SYK: variants seen among roughly 807,000 people sequenced by gnomAD.
SYK encodes the protein tyrosine-protein kinase SYK.
A neutral mutation model predicts 77.8 loss-of-function variants in SYK; 16 were observed. That is an observed-to-expected ratio of 0.21 (90% confidence interval 0.14 to 0.31). The LOEUF is 0.31. Among genes scored for constraint, SYK ranks in the 10% least tolerant of loss-of-function variants. SYK has a pLI of 1.00. For synonymous variants in SYK, 312 were observed against 308.7 expected (o/e 1.01, Z -0.11); for missense variants, 529 against 814.4 (o/e 0.65, Z 4.26).
intron 4 of SYK, among the ~76,000 whole-genome samples, chr9:90,863,920 A>T (rs1203554394): frequency 2.0e-5 from 3 of 152,230 alleles, no homozygotes; most frequent in African/African-American, 7.2e-5. Flanking sequence ...TGTCCTTCCC[A>T]AGAATCTTTA....
intron 13 of SYK, 149 bp downstream of exon 13, chr9:90,888,776 C>T: frequency 1.6e-6 from 1 of 615,852 alleles, no homozygotes; most frequent in Non-Finnish European, 2.7e-6. Context: ...GCTGGTCTTG[C>T]TTTAGAGACC....
rs539643362 is a variant in SYK at position 90,877,679 on chromosome 9, G to A, written c.1290G>A (p.Pro430=). The change falls in exon 10 of 14, where the codon CCG becomes CCA. Residue 430 remains proline, a synonymous_variant. Transcript: ENST00000375754. ...ATGTCATGCAGCAGCTGGACAACCC[G>A]TACATCGTGCGGATGATCGGGATAT... ...EANVMQQLDN[P]YIVRMIGICE... is the part of the protein sequence containing the mutation. 23 of 1,614,238 alleles carry A rather than the reference G, an allele frequency of 1.4e-5. No homozygotes were observed. The Middle Eastern group carries it at 8.2e-4, about 58-fold the overall frequency.
chr9:90,867,029 T>C, intron 6 of SYK, 102 bp from the exon 7 acceptor site: 1 of 1,262,958 alleles, frequency 7.9e-7, no homozygotes, highest in Non-Finnish European at 1.1e-6. Flanking sequence ...AGGGGGTTAG[T>C]GGTGCGATTA....
chr9:90,887,995 C>T, intron 12 of SYK, 106 bp downstream of exon 12: 1 of 1,402,548 alleles, frequency 7.1e-7, no homozygotes, highest in South Asian at 1.5e-5. Flanking sequence ...CTCTCATTAT[C>T]TTTTACCAGT....
chr9:90,855,037 C>CACAT (rs779653843), intron 3 of SYK, among the ~76,000 whole-genome samples: 2 of 151,360 alleles, frequency 1.3e-5, no homozygotes, highest in African/African-American at 2.4e-5. Context: ...CACACACACA[C>CACAT]ACTTGAGAAC....
At chr9:90,870,852 G>A (rs968531029) in intron 7 of SYK, among the ~76,000 whole-genome samples, 1 of 152,142 alleles carries the variant, frequency 6.6e-6, no homozygotes, top group African/African-American at 2.4e-5. Flanking sequence ...CTGCATTACT[G>A]CTGTTGCCTA....
chr9:90,864,547 T>A (rs1181230024), intron 4 of SYK, 42 bp from the exon 5 acceptor site: 1 of 1,557,708 alleles, frequency 6.4e-7, no homozygotes, highest in Non-Finnish European at 8.9e-7. Context: ...GTCTATTTCC[T>A]GACCTTGGTA....
chr9:90,813,163 T>G (rs1040647490), intron 1 of SYK, among the ~76,000 whole-genome samples: 1 of 152,184 alleles, frequency 6.6e-6, no homozygotes, highest in Non-Finnish European at 1.5e-5. Flanking sequence ...GAGAAGGACG[T>G]AAGCAATTTC....
At chr9:90,894,606 G>A (rs908679493) in intron 13 of SYK, among the ~76,000 whole-genome samples, 2 of 152,214 alleles carry the variant, frequency 1.3e-5, no homozygotes, top group Non-Finnish European at 2.9e-5. Context: ...AGGTCAAAAT[G>A]GCTGAATGTG....
At chr9:90,865,632 G>C (rs1030534014) in intron 6 of SYK, among the ~76,000 whole-genome samples, 6 of 151,980 alleles carry the variant, frequency 3.9e-5, no homozygotes, top group African/African-American at 1.5e-4. Context: ...TTAACTTCTT[G>C]TCTAGATGAA....
intron 7 of SYK, among the ~76,000 whole-genome samples, chr9:90,872,744 T>C (rs1827778880): frequency 6.6e-6 from 1 of 152,284 alleles, no homozygotes; most frequent in Non-Finnish European, 1.5e-5. Context: ...TCCTAGTTTT[T>C]AGAAGTGATT....
chr9:90,816,395 T>C (rs933811858), intron 1 of SYK, among the ~76,000 whole-genome samples: 1 of 152,242 alleles, frequency 6.6e-6, no homozygotes, highest in African/African-American at 2.4e-5. Context: ...CTGCCAGCCC[T>C]GAGTCTAGCT....
chr9:90,808,476 T>A (rs1486415578), intron 1 of SYK, among the ~76,000 whole-genome samples: 3 of 147,012 alleles, frequency 2.0e-5, no homozygotes, highest in Non-Finnish European at 4.5e-5. Flanking sequence ...TTTTTTTTTT[T>A]AGGTACCCTA....
At chr9:90,847,390 T>C (rs1320975008) in intron 3 of SYK, among the ~76,000 whole-genome samples, 1 of 142,116 alleles carries the variant, frequency 7.0e-6, no homozygotes, top group African/African-American at 2.8e-5. Context: ...GTTGTCTTCT[T>C]CTCCTGGGTT....
rs1031365040 is a variant in SYK at position 90,897,576 on chromosome 9, G to A, written c.*1976G>A. The A allele has an allele frequency of 8.7e-6, 2 of 230,162 alleles. No individual in the cohort carries two copies. The highest frequency in any genetic ancestry group is 4.4e-5 in the African/African-American group (2 of 45,176). 14.3% of individuals were successfully genotyped at this position (230,162 alleles called of 1,614,324 possible). Reference sequence around the variant, plus strand: ...CTTCAACACAGGCCCCGTGCTCGTAGGAATACGGTAGCACCTATGTAGGAA... The same window carrying A: ...CTTCAACACAGGCCCCGTGCTCGTAAGAATACGGTAGCACCTATGTAGGAA... On this transcript the variant is annotated 3_prime_UTR_variant, in exon 14 of 14. Coordinates refer to ENST00000375754, the MANE Select transcript of SYK (RefSeq NM_003177.7).
intron 1 of SYK, among the ~76,000 whole-genome samples, chr9:90,828,235 G>GC (rs60327886): frequency 0.073 from 4,060 of 55,282 alleles, 421 homozygotes; most frequent in East Asian, 0.38. Context: ...CCTCACCCCC[G>GC]CCCCCCCCCC....
chr9:90,841,079 G>A (rs1006568972), intron 1 of SYK, among the ~76,000 whole-genome samples: 3 of 151,916 alleles, frequency 2.0e-5, no homozygotes, highest in Non-Finnish European at 4.4e-5. Flanking sequence ...GTACTATGGT[G>A]TGTGTGTGGC....
intron 3 of SYK, among the ~76,000 whole-genome samples, chr9:90,855,247 A>G (rs904588732): frequency 6.6e-6 from 1 of 152,316 alleles, no homozygotes; most frequent in South Asian, 2.1e-4. Context: ...TGATTCCCTT[A>G]TACTGAGTCC....
chr9:90,819,351 A>C (rs749988543), intron 1 of SYK, among the ~76,000 whole-genome samples: 3 of 152,174 alleles, frequency 2.0e-5, no homozygotes, highest in Non-Finnish European at 4.4e-5. Context: ...TTTCAAGACC[A>C]TTTGAGGTCA....
Sources: gnomAD v4.1 joint callset for allele counts (sites outside exome capture counted in the v4.1 genomes callset) on GRCh38, gnomAD v4.1.1 for gene constraint, MANE v1.5 for transcripts, NCBI Gene and HGNC (gene_info 2026-07-23, HGNC 2026-07-21) for gene names.